Variants in RSU1 observed in about 807,000 individuals in gnomAD.
RSU1 encodes the protein rsu-1.
Under a neutral mutation model 31.1 loss-of-function variants are expected in RSU1, and 26 were observed. The observed-to-expected ratio is 0.84, with a 90% CI of 0.61 to 1.16. The LOEUF (loss-of-function observed/expected upper bound fraction) is 1.16. Among genes scored for constraint, RSU1 ranks in the 50% most tolerant of loss-of-function variants. The probability of loss-of-function intolerance (pLI) is 0.00; values close to 1 mark genes in which losing one functional copy is unlikely to be tolerated. For synonymous variants in RSU1, 164 were observed against 136.3 expected, an observed-to-expected ratio of 1.20 and a Z score of -1.41; for missense variants, 320 against 339.1, an observed-to-expected ratio of 0.94 and a Z score of 0.44.
intron 2 of RSU1, among the ~76,000 whole-genome samples, chr10:16,806,672 C>A (rs1838275372): frequency 6.6e-6 from 1 of 152,140 alleles, no homozygotes; most frequent in Admixed American, 6.6e-5. Context: ...ACAAAGAGTG[C>A]ACAACGTTGT....
rs143727984 is a variant in RSU1, at chr10:16,743,094, G to A, written c.598+9445C>T. Among the ~76,000 whole-genome samples, 668 of 152,244 alleles carry A rather than the reference G, an allele frequency of 4.4e-3. 9 individuals are homozygous for A. The highest frequency in any genetic ancestry group is 0.014 in the African/African-American group (602 of 41,542). ...AGAAATATTAATGCAGAATTAAAACGTAGGAGCATGCAATAAAATCCAAGT... is the reference window on the plus strand; with the variant it reads ...AGAAATATTAATGCAGAATTAAAACATAGGAGCATGCAATAAAATCCAAGT... On this transcript the variant is annotated intron_variant, in intron 7 of 8. Coordinates refer to ENST00000345264, the MANE Select transcript of RSU1 (RefSeq NM_012425.4).
At chr10:16,764,366 C>G in intron 4 of RSU1, 24 bp downstream of exon 4, 1 of 1,601,522 alleles carries the variant, frequency 6.2e-7, no homozygotes, top group East Asian at 2.2e-5. Flanking sequence ...TCCTCTCCAT[C>G]CTTTCCGCTC....
intron 2 of RSU1, among the ~76,000 whole-genome samples, chr10:16,797,930 C>T (rs548740589): frequency 1.4e-5 from 2 of 142,552 alleles, no homozygotes; most frequent in Non-Finnish European, 3.0e-5. Context: ...GGGGCAATCT[C>T]GGCTCACTGT....
At chr10:16,722,166 A>G (rs1836278326) in intron 7 of RSU1, among the ~76,000 whole-genome samples, 1 of 152,116 alleles carries the variant, frequency 6.6e-6, no homozygotes, top group Non-Finnish European at 1.5e-5. Context: ...ATTATTGTTA[A>G]TCTCTTACTG....
chr10:16,676,280 T>C (rs1835230387), intron 8 of RSU1, among the ~76,000 whole-genome samples: 2 of 152,202 alleles, frequency 1.3e-5, no homozygotes, highest in Admixed American at 1.3e-4. Context: ...CAGTTCTGCA[T>C]GGCTGGGGAG....
At chr10:16,622,830 G>A (rs1834092359) in intron 8 of RSU1, among the ~76,000 whole-genome samples, 1 of 152,204 alleles carries the variant, frequency 6.6e-6, no homozygotes, top group South Asian at 2.1e-4. Flanking sequence ...AGACTGCCTG[G>A]CCTCAGGGCC....
At chr10:16,689,632 T>C (rs1204326696) in intron 8 of RSU1, among the ~76,000 whole-genome samples, 1 of 152,214 alleles carries the variant, frequency 6.6e-6, no homozygotes, top group Non-Finnish European at 1.5e-5. Context: ...TGGCTAGATT[T>C]CTAATAAAGA....
chr10:16,655,645 C>A (rs182298447), intron 8 of RSU1, among the ~76,000 whole-genome samples: 2 of 152,130 alleles, frequency 1.3e-5, no homozygotes, highest in African/African-American at 4.8e-5. Flanking sequence ...ATAATACAGG[C>A]ATACCTTGTT....
intron 4 of RSU1, among the ~76,000 whole-genome samples, chr10:16,763,925 AC>A (rs1402725421): frequency 6.6e-6 from 1 of 152,176 alleles, no homozygotes; most frequent in African/African-American, 2.4e-5. Flanking sequence ...CAGGACTGTC[AC>A]CTCTCAGCTA....
At chr10:16,726,127 C>G (rs72774634) in intron 7 of RSU1, among the ~76,000 whole-genome samples, 18,098 of 151,812 alleles carry the variant, frequency 0.12, 2,628 homozygotes, top group African/African-American at 0.35. Context: ...CTTGGACTCA[C>G]ATAGTAAAAG....
intron 7 of RSU1, among the ~76,000 whole-genome samples, chr10:16,728,364 TA>T (rs1473587738): frequency 1.3e-5 from 2 of 152,084 alleles, no homozygotes; most frequent in Admixed American, 1.3e-4. Context: ...ATATGAAGAA[TA>T]AAAATCAGTC....
intron 7 of RSU1, among the ~76,000 whole-genome samples, chr10:16,700,596 G>A (rs1452546633): frequency 1.3e-5 from 2 of 152,164 alleles, no homozygotes; most frequent in African/African-American, 4.8e-5. Flanking sequence ...ATTATCATGT[G>A]CTAGGCTACT....
intron 3 of RSU1, 65 bp from the exon 4 acceptor site, chr10:16,764,575 C>A: frequency 2.7e-6 from 4 of 1,507,508 alleles, no homozygotes; most frequent in Non-Finnish European, 3.6e-6. Flanking sequence ...ATGGCAGCGG[C>A]ACATTTTGTT....
chr10:16,727,814 T>C (rs79545654), intron 7 of RSU1, among the ~76,000 whole-genome samples: 1 of 152,192 alleles, frequency 6.6e-6, no homozygotes, highest in Admixed American at 6.5e-5. Flanking sequence ...CCAAATTTCA[T>C]TGCAGACAGC....
intron 8 of RSU1, among the ~76,000 whole-genome samples, chr10:16,628,719 G>C (rs1056841544): frequency 4.6e-5 from 7 of 152,082 alleles, no homozygotes; most frequent in African/African-American, 1.4e-4. Flanking sequence ...AAAAAATATG[G>C]GGCAAAGTGC....
chr10:16,713,707 A>G (rs541290231), intron 7 of RSU1, among the ~76,000 whole-genome samples: 43 of 152,298 alleles, frequency 2.8e-4, no homozygotes, highest in African/African-American at 9.4e-4. Flanking sequence ...GTCTTTTACT[A>G]AAGACTTATT....
At chr10:16,625,554 G>A (rs559925553) in intron 8 of RSU1, among the ~76,000 whole-genome samples, 1 of 152,166 alleles carries the variant, frequency 6.6e-6, no homozygotes, top group Non-Finnish European at 1.5e-5. Flanking sequence ...CCATGACTTG[G>A]TAAGGCTGCT....
chr10:16,706,320 G>A (rs1363766339), intron 7 of RSU1, among the ~76,000 whole-genome samples: 1 of 152,100 alleles, frequency 6.6e-6, no homozygotes, highest in African/African-American at 2.4e-5. Context: ...ATATAGCATT[G>A]TAGTTTTCAC....
chr10:16,786,975 T>C (rs1267027281), intron 2 of RSU1, among the ~76,000 whole-genome samples: 1 of 152,110 alleles, frequency 6.6e-6, no homozygotes, highest in African/African-American at 2.4e-5. Context: ...GCTTGAACAT[T>C]CAGGGAGGTG....
Sources: allele counts gnomAD v4.1 joint callset (sites outside exome capture counted in the v4.1 genomes callset), GRCh38; gene constraint gnomAD v4.1.1; transcripts MANE v1.5; gene names NCBI Gene and HGNC (gene_info 2026-07-23, HGNC 2026-07-21).